NBAS: variants seen among roughly 807,000 people sequenced by gnomAD.
The protein encoded by NBAS is NBAS subunit of NRZ tethering complex, also known as NAG/BC035112 fusion.
Under a neutral mutation model 302.5 loss-of-function variants are expected in NBAS, and 219 were observed. That is an observed-to-expected ratio of 0.72 (90% CI 0.65 to 0.81). The LOEUF (loss-of-function observed/expected upper bound fraction) is 0.81, where lower values mean the gene tolerates loss of function less well. Ranked by LOEUF, NBAS falls within the 30% of genes least tolerant of loss-of-function variation. The probability of loss-of-function intolerance (pLI) is 0.00; values close to 1 mark genes in which losing one functional copy is unlikely to be tolerated. For missense variants in NBAS, 2,932 were observed against 2,841.6 expected, an observed-to-expected ratio of 1.03 and a Z score of -0.72; for synonymous variants, 1,118 against 1,021.6, an observed-to-expected ratio of 1.09 and a Z score of -1.80.
intron 25 of NBAS, among the ~76,000 whole-genome samples, chr2:15,412,637 C>T (rs939365373): frequency 1.3e-5 from 2 of 152,140 alleles, no homozygotes; most frequent in African/African-American, 4.8e-5. Flanking sequence ...ACAAACAAGG[C>T]TGCCTGCACA....
At chr2:15,267,642 GATCACAAGATCT>G (rs1410754629) in intron 44 of NBAS, among the ~76,000 whole-genome samples, 7 of 152,024 alleles carry the variant, frequency 4.6e-5, no homozygotes, top group Non-Finnish European at 7.4e-5. Flanking sequence ...TTACGAAAAA[GATCACAAGATCT>G]TCATTCAAAG....
At chr2:15,263,130 A>G (rs1056742402) in intron 44 of NBAS, among the ~76,000 whole-genome samples, 1 of 152,094 alleles carries the variant, frequency 6.6e-6, no homozygotes, top group African/African-American at 2.4e-5. Context: ...AATCATCACA[A>G]AAGTGGTGAG....
At chr2:14,887,399 C>CAAAAAAAAAAAAAAAAAAA in the NBAS span, among the ~76,000 whole-genome samples, 27 of 84,564 alleles carry the variant, frequency 3.2e-4, no homozygotes, top group African/African-American at 8.1e-4. Context: ...TGAGACTCCT[C>CAAAAAAAAAAAAAAAAAAA]AAAAAAAAAA....
rs538561430 is a variant in NBAS at position 15,338,735 on chromosome 2, T to G, written c.4180-7970A>C. Among the ~76,000 whole-genome samples, 198 of 148,532 alleles carry G rather than the reference T, an allele frequency of 1.3e-3. 1 individual carries two copies. Among genetic ancestry groups the G allele is most frequent in the African/African-American group, 4.8e-3 (193 of 40,508 alleles). ...CATCAAATTAGGTATACTGGCCAGG[T>G]GCAGTGGCTCACGCCTGTAATCCCA... is the stretch of plus-strand genomic sequence containing the variant. On this transcript the variant is annotated intron_variant, in intron 35 of 51. Coordinates refer to ENST00000281513, the MANE Select transcript of NBAS (RefSeq NM_015909.4).
At chr2:15,292,051 T>C (rs1472627083) in intron 41 of NBAS, among the ~76,000 whole-genome samples, 1 of 152,214 alleles carries the variant, frequency 6.6e-6, no homozygotes, top group Non-Finnish European at 1.5e-5. Context: ...CTCAGCTCAC[T>C]GTGGCCTCCA....
chr2:15,312,275 T>G (rs1247559646), intron 38 of NBAS, among the ~76,000 whole-genome samples: 1 of 152,278 alleles, frequency 6.6e-6, no homozygotes, highest in East Asian at 1.9e-4. Flanking sequence ...CATTCTTTTT[T>G]TTTCTTTACT....
intron 48 of NBAS, among the ~76,000 whole-genome samples, chr2:15,210,684 C>T (rs189075102): frequency 2.6e-4 from 39 of 152,240 alleles, no homozygotes; most frequent in Admixed American, 2.5e-3. Context: ...ATGTCTATTG[C>T]AACACTGTTC....
the NBAS span, among the ~76,000 whole-genome samples, chr2:14,976,446 C>A: frequency 6.6e-6 from 1 of 152,162 alleles, no homozygotes; most frequent in Non-Finnish European, 1.5e-5. Flanking sequence ...CATAGGAGCA[C>A]CTGCTGACCA....
chr2:15,210,180 A>C (rs903519898), intron 48 of NBAS, among the ~76,000 whole-genome samples: 5 of 152,214 alleles, frequency 3.3e-5, no homozygotes, highest in Non-Finnish European at 7.3e-5. Context: ...CAACAAAGTG[A>C]AGAGACAACA....
chr2:15,553,361 T>TC (rs1664472168), intron 5 of NBAS, 65 bp downstream of exon 5: 1 of 1,412,066 alleles, frequency 7.1e-7, no homozygotes, highest in Admixed American at 1.7e-5. Flanking sequence ...AATCTTAGTT[T>TC]CCATTTATAG....
At chr2:15,553,881 TCCC>T in intron 4 of NBAS, among the ~76,000 whole-genome samples, 177 bp downstream of exon 4, 1 of 100,456 alleles carries the variant, frequency 1.0e-5, no homozygotes, top group Non-Finnish European at 2.4e-5. Context: ...CCTCTCTCTC[TCCC>T]TCTCTCTCTT....
chr2:15,265,172 C>A (rs562115454), intron 44 of NBAS, among the ~76,000 whole-genome samples: 5 of 152,300 alleles, frequency 3.3e-5, no homozygotes, highest in African/African-American at 1.2e-4. Context: ...CTTGGCTGTG[C>A]CTACATGGCT....
chr2:15,249,234 C>T (rs1171771501), intron 44 of NBAS, among the ~76,000 whole-genome samples: 8 of 152,156 alleles, frequency 5.3e-5, no homozygotes, highest in African/African-American at 1.9e-4. Context: ...TCTCAATAGA[C>T]GCACCAAAGG....
the NBAS span, among the ~76,000 whole-genome samples, chr2:14,863,595 C>T: frequency 6.6e-6 from 1 of 152,212 alleles, no homozygotes; most frequent in African/African-American, 2.4e-5. Flanking sequence ...GGTTTCACGG[C>T]TGCTCCAGAC....
chr2:15,516,722 CAAAAAA>C, intron 9 of NBAS, among the ~76,000 whole-genome samples: 1 of 136,076 alleles, frequency 7.3e-6, no homozygotes, highest in South Asian at 2.4e-4. Flanking sequence ...GACTCCATTT[CAAAAAA>C]AAAAAAAAAA....
At chr2:15,349,040 C>G (rs1673228361) in intron 35 of NBAS, among the ~76,000 whole-genome samples, 1 of 152,166 alleles carries the variant, frequency 6.6e-6, no homozygotes, top group Admixed American at 6.6e-5. Flanking sequence ...GTCCTCCAAA[C>G]AGAGAGAAAA....
intron 6 of NBAS, among the ~76,000 whole-genome samples, chr2:15,548,655 T>C (rs1323228179): frequency 1.3e-5 from 2 of 151,316 alleles, no homozygotes; most frequent in Non-Finnish European, 2.9e-5. Context: ...AAAATATATA[T>C]AAATTAAATC....
At chr2:15,391,058 C>T (rs1423563735) in intron 28 of NBAS, among the ~76,000 whole-genome samples, 1 of 151,384 alleles carries the variant, frequency 6.6e-6, no homozygotes, top group African/African-American at 2.4e-5. Flanking sequence ...TGCAGTGAGC[C>T]GAGATCGCAC....
At chr2:15,172,905 G>T (rs1288404013) in intron 51 of NBAS, among the ~76,000 whole-genome samples, 1 of 152,188 alleles carries the variant, frequency 6.6e-6, no homozygotes, top group Non-Finnish European at 1.5e-5. Flanking sequence ...GTGTGACCTT[G>T]TTCAGGACGA....
Sources: gnomAD v4.1 joint callset for allele counts (sites outside exome capture counted in the v4.1 genomes callset) on GRCh38, gnomAD v4.1.1 for gene constraint, MANE v1.5 for transcripts, NCBI Gene and HGNC (gene_info 2026-07-23, HGNC 2026-07-21) for gene names.